Variants in MAGI2 observed in about 807,000 individuals in gnomAD.
The protein encoded by MAGI2 is membrane-associated guanylate kinase, WW and PDZ domain-containing protein 2.
MAGI2 carries 35 observed loss-of-function variants against 133.3 expected under a neutral mutation model. The ratio of observed to expected loss-of-function variants is 0.26; its 90% CI spans 0.20 to 0.35. The LOEUF is 0.35. Among genes scored for constraint, MAGI2 ranks in the 10% least tolerant of loss-of-function variants. The probability of loss-of-function intolerance (pLI) is 1.00; values close to 1 mark genes in which losing one functional copy is unlikely to be tolerated. For missense variants in MAGI2, 1,636 were observed against 1,863.4 expected (o/e 0.88, Z 2.25); for synonymous variants, 729 against 710.6 (o/e 1.03, Z -0.41).
intron 1 of MAGI2, among the ~76,000 whole-genome samples, chr7:79,362,688 C>T (rs773609257): frequency 1.1e-4 from 16 of 151,826 alleles, no homozygotes; most frequent in South Asian, 2.1e-4. Flanking sequence ...AAAGAAAACA[C>T]GATCATATCA....
At chr7:78,614,961 G>T (rs1806915217) in intron 3 of MAGI2, 1 of 152,116 alleles carries the variant, frequency 6.6e-6, no homozygotes, top group Non-Finnish European at 1.5e-5. Flanking sequence ...CAATAGCTAT[G>T]CGGGGTTGCA....
intron 6 of MAGI2, among the ~76,000 whole-genome samples, chr7:78,381,330 T>C (rs1794904100): frequency 6.7e-6 from 1 of 150,224 alleles, no homozygotes; most frequent in African/African-American, 2.4e-5. Flanking sequence ...CTGGGTGACA[T>C]ATAAGACTCT....
intron 1 of MAGI2, among the ~76,000 whole-genome samples, chr7:79,424,592 T>C (rs946865794): frequency 6.6e-6 from 1 of 152,166 alleles, no homozygotes; most frequent in Non-Finnish European, 1.5e-5. Context: ...CTATGTGAGG[T>C]AATGCATTTG....
chr7:78,574,330 C>T (rs1049970776), intron 3 of MAGI2, among the ~76,000 whole-genome samples: 4 of 152,222 alleles, frequency 2.6e-5, no homozygotes, highest in African/African-American at 7.2e-5. Flanking sequence ...ATGTATTCCT[C>T]CATCCCCTTT....
intron 9 of MAGI2, among the ~76,000 whole-genome samples, chr7:78,321,924 GA>G (rs987307564): frequency 6.6e-5 from 10 of 151,816 alleles, no homozygotes; most frequent in African/African-American, 2.4e-4. Context: ...AAATTTACAA[GA>G]AAAAAACAAC....
intron 2 of MAGI2, among the ~76,000 whole-genome samples, chr7:78,641,283 T>A (rs1563282959): frequency 6.6e-6 from 1 of 152,228 alleles, no homozygotes; most frequent in East Asian, 1.9e-4. Context: ...AATAGCTATT[T>A]ATCTCCCCAT....
intron 6 of MAGI2, among the ~76,000 whole-genome samples, chr7:78,451,086 C>T (rs1788678357): frequency 6.6e-6 from 1 of 152,204 alleles, no homozygotes; most frequent in Non-Finnish European, 1.5e-5. Flanking sequence ...ACAGTGCAAC[C>T]CGTTCAGAAT....
intron 1 of MAGI2, among the ~76,000 whole-genome samples, chr7:79,153,917 G>A (rs765528669): frequency 6.6e-6 from 1 of 152,022 alleles, no homozygotes; most frequent in African/African-American, 2.4e-5. Flanking sequence ...TTAAGAAACA[G>A]GAAAGTTAAA....
rs1328500837 is a variant in MAGI2 at position 78,018,897 on chromosome 7, A to G, written c.*418T>C. On this transcript the variant is annotated 3_prime_UTR_variant, in exon 22 of 22. Transcript: ENST00000354212. ...GTCTCAGTTTCAGCTTGCTCCGTGC[A>G]GTTTGATTTTTAAGGCGATATTCCA... The G allele has an allele frequency of 5.3e-6, 2 of 375,872 alleles. No homozygotes were observed. The highest frequency in any genetic ancestry group is 9.4e-6 in the Non-Finnish European group (2 of 212,188). The allele number at this position is 375,872 out of a possible 1,614,324, so 23.3% of individuals were successfully genotyped here. A position where few individuals can be genotyped will look rare whatever the true frequency, so the allele number is the denominator to read the frequency against.
chr7:78,626,374 A>C (rs1808345047), intron 3 of MAGI2, among the ~76,000 whole-genome samples: 1 of 152,162 alleles, frequency 6.6e-6, no homozygotes, highest in Admixed American at 6.5e-5. Flanking sequence ...ACTTATTTGT[A>C]TTTTTAATGC....
intron 6 of MAGI2, among the ~76,000 whole-genome samples, chr7:78,449,326 A>C (rs1584182172): frequency 6.6e-6 from 1 of 152,072 alleles, no homozygotes. Context: ...TCACAACTGC[A>C]TGCCATCTGC....
At chr7:78,064,328 TTG>T (rs3840609) in intron 21 of MAGI2, among the ~76,000 whole-genome samples, 228 of 148,202 alleles carry the variant, frequency 1.5e-3, no homozygotes, top group Admixed American at 4.8e-3. Context: ...TGTGATGGTT[TTG>T]TGTGTGTGTG....
At chr7:78,635,763 C>T (rs1319538672) in intron 2 of MAGI2, among the ~76,000 whole-genome samples, 2 of 152,200 alleles carry the variant, frequency 1.3e-5, no homozygotes, top group African/African-American at 4.8e-5. Context: ...CACAGTTACT[C>T]ATCAGCAAGT....
intron 7 of MAGI2, among the ~76,000 whole-genome samples, chr7:78,351,537 A>T (rs1419713056): frequency 6.6e-6 from 1 of 151,848 alleles, no homozygotes; most frequent in African/African-American, 2.4e-5. Flanking sequence ...GCTCAGGATG[A>T]CCACAATGCA....
chr7:78,637,904 C>A (rs1809850729), intron 2 of MAGI2, among the ~76,000 whole-genome samples: 1 of 151,998 alleles, frequency 6.6e-6, no homozygotes, highest in African/African-American at 2.4e-5. Context: ...ATACAGAGAT[C>A]TCATTTCTAC....
intron 2 of MAGI2, among the ~76,000 whole-genome samples, chr7:78,710,892 T>C (rs965800179): frequency 6.6e-6 from 1 of 152,186 alleles, no homozygotes; most frequent in Non-Finnish European, 1.5e-5. Context: ...CAAAAAGTAA[T>C]GCTCTTACCA....
chr7:78,751,068 A>C (rs112581354), intron 2 of MAGI2, among the ~76,000 whole-genome samples: 274 of 152,326 alleles, frequency 1.8e-3, no homozygotes, highest in African/African-American at 6.4e-3. Flanking sequence ...ATGATAGAGA[A>C]AAAGAATATG....
intron 21 of MAGI2, among the ~76,000 whole-genome samples, chr7:78,038,086 T>C (rs935137195): frequency 6.6e-6 from 1 of 152,206 alleles, no homozygotes; most frequent in African/African-American, 2.4e-5. Flanking sequence ...CAACATTTAC[T>C]ATAATTTGTG....
intron 3 of MAGI2, among the ~76,000 whole-genome samples, chr7:78,532,749 CA>C (rs1224897350): frequency 6.6e-6 from 1 of 152,056 alleles, no homozygotes; most frequent in Admixed American, 6.6e-5. Context: ...ACAAACAAAC[CA>C]AAAAGCTAAA....
Sources: gnomAD v4.1 joint callset for allele counts (sites outside exome capture counted in the v4.1 genomes callset) on GRCh38, gnomAD v4.1.1 for gene constraint, MANE v1.5 for transcripts, NCBI Gene and HGNC (gene_info 2026-07-23, HGNC 2026-07-21) for gene names.